Variants in SLCO1A2 observed in about 807,000 individuals in gnomAD.
SLCO1A2 encodes OATP-1.
SLCO1A2 carries 67 observed loss-of-function variants against 69.0 expected under a neutral mutation model. The observed-to-expected ratio is 0.97, with a 90% CI of 0.80 to 1.19. The LOEUF (loss-of-function observed/expected upper bound fraction) is 1.19, where lower values mean the gene tolerates loss of function less well. SLCO1A2 is among the 50% of genes most tolerant of loss of function. SLCO1A2 has a pLI of 0.00. For synonymous variants in SLCO1A2, 260 were observed against 265.9 expected (o/e 0.98, Z 0.22); for missense variants, 787 against 793.7 (o/e 0.99, Z 0.10).
chr12:21,314,508 T>C, intron 4 of SLCO1A2, 41 bp downstream of exon 4: 2 of 1,610,778 alleles, frequency 1.2e-6, no homozygotes, highest in Non-Finnish European at 1.7e-6. Flanking sequence ...TTCCTGCAAG[T>C]GAAATTTGAC....
intron 9 of SLCO1A2, among the ~76,000 whole-genome samples, chr12:21,296,806 C>T (rs1565479783): frequency 6.6e-6 from 1 of 152,166 alleles, no homozygotes; most frequent in Admixed American, 6.5e-5. Flanking sequence ...GAGGGGGAAC[C>T]CCAGGTATTT....
chr12:21,325,371 C>T lies in SLCO1A2; in HGVS notation c.61-6448G>A, dbSNP rs551507345. Among the ~76,000 whole-genome samples the T allele has an allele frequency of 1.5e-4, 23 of 152,258 alleles. No homozygotes were observed. The South Asian group carries it at 3.9e-3, about 26-fold the overall frequency. On this transcript the variant is annotated intron_variant, in intron 2 of 14. Transcript: ENST00000683939. ...TTTAGACATCTCAAATTTCATAATCCTATCAACCTGTACATTTTTATGTTC... is the reference window on the plus strand; with the variant it reads ...TTTAGACATCTCAAATTTCATAATCTTATCAACCTGTACATTTTTATGTTC...
chr12:21,350,131 C>T (rs1430805536), intron 2 of SLCO1A2, among the ~76,000 whole-genome samples: 1 of 152,068 alleles, frequency 6.6e-6, no homozygotes, highest in Non-Finnish European at 1.5e-5. Context: ...CTTTCATTCA[C>T]TGATGATGAA....
At chr12:21,294,743 T>C (rs977298061) in intron 10 of SLCO1A2, 11 of 152,320 alleles carry the variant, frequency 7.2e-5, no homozygotes, top group Admixed American at 5.9e-4. Flanking sequence ...ATTTCTATAT[T>C]GATGTAGTTG....
intron 2 of SLCO1A2, among the ~76,000 whole-genome samples, chr12:21,348,639 T>G (rs76790785): frequency 0.038 from 5,765 of 152,298 alleles, 161 homozygotes; most frequent in Middle Eastern, 0.1. Flanking sequence ...TAACACCACA[T>G]TCTGTATCAT....
rs191579125 is a variant in SLCO1A2, at chr12:21,314,749, A to G, written c.203-68T>C. ...AAGTCTTAATTAAGAGCCTCACCCAATCATTTACATTCTAGCATTTACTGC... is the reference window on the plus strand; with the variant it reads ...AAGTCTTAATTAAGAGCCTCACCCAGTCATTTACATTCTAGCATTTACTGC... On this transcript the variant is annotated intron_variant, in intron 3 of 14. Coordinates refer to ENST00000683939, the MANE Select transcript of SLCO1A2 (RefSeq NM_001386879.1). 25 of 1,151,970 alleles carry G rather than the reference A, an allele frequency of 2.2e-5. No individual in the cohort carries two copies. The East Asian group carries it at 4.8e-4, about 22-fold the overall frequency. 71.4% of individuals were successfully genotyped at this position (1,151,970 alleles called of 1,614,324 possible).
chr12:21,371,765 G>A (rs1377839076), intron 2 of SLCO1A2, among the ~76,000 whole-genome samples: 1 of 152,150 alleles, frequency 6.6e-6, no homozygotes, highest in African/African-American at 2.4e-5. Flanking sequence ...CACTTTGGGA[G>A]GCAGAAGTGG....
chr12:21,385,518 A>G (rs372640548), intron 1 of SLCO1A2, among the ~76,000 whole-genome samples: 15 of 152,370 alleles, frequency 9.8e-5, no homozygotes, highest in African/African-American at 3.4e-4. Flanking sequence ...AGAACAGGAT[A>G]GGCACCTTAA....
intron 12 of SLCO1A2, among the ~76,000 whole-genome samples, chr12:21,289,114 C>A (rs950734400): frequency 1.3e-5 from 2 of 150,682 alleles, no homozygotes; most frequent in Admixed American, 1.3e-4. Flanking sequence ...TATATATTTG[C>A]AATCACAAAT....
chr12:21,408,927 G>A (rs117141935), intron 1 of SLCO1A2, among the ~76,000 whole-genome samples: 28 of 151,526 alleles, frequency 1.8e-4, no homozygotes, highest in Middle Eastern at 3.4e-3. Context: ...CTTTTTAAAG[G>A]CTGGTAGAAT....
In SLCO1A2 at chr12:21,352,261, A is replaced by C. The variant is rs554532953; in HGVS notation, c.-62-17552T>G. Among the ~76,000 whole-genome samples the C allele has an allele frequency of 3.3e-5, 5 of 152,326 alleles. No homozygotes were observed. In the East Asian group the frequency reaches 9.6e-4, roughly 29 times the overall value. Reference sequence around the variant, plus strand: ...AAATGCGAAGAGAGGAAAAACTAGGACAGGTGGACGGCAGCAGTTAGACAA... The same window carrying C: ...AAATGCGAAGAGAGGAAAAACTAGGCCAGGTGGACGGCAGCAGTTAGACAA... On this transcript the variant is annotated intron_variant, in intron 2 of 15. Transcript: ENST00000307378.
chr12:21,300,333 A>C lies in SLCO1A2; in HGVS notation c.910+15T>G. On this transcript the variant is annotated intron_variant, in intron 8 of 14. Coordinates refer to ENST00000683939, the MANE Select transcript of SLCO1A2 (RefSeq NM_001386879.1). ...AAAAGGTCAATTTCATAGTATTTAG[A>C]ATATGTATATTTGCCTTTAGTGATT... 1.3e-6 allele frequency: 2 copies of C among 1,540,178 alleles called. No individual in the cohort carries two copies. The highest frequency in any genetic ancestry group is 1.8e-6 in the Non-Finnish European group (2 of 1,116,736).
At chr12:21,278,054 A>T (rs1944187511) in intron 12 of SLCO1A2, among the ~76,000 whole-genome samples, 1 of 151,514 alleles carries the variant, frequency 6.6e-6, no homozygotes, top group Non-Finnish European at 1.5e-5. Flanking sequence ...GCATTCACAC[A>T]GGCTGGCTAA....
intron 1 of SLCO1A2, among the ~76,000 whole-genome samples, chr12:21,375,482 A>G (rs924932447): frequency 2.6e-5 from 4 of 152,234 alleles, no homozygotes; most frequent in Non-Finnish European, 5.9e-5. Context: ...ACAAAATTTA[A>G]TCATCTCATT....
At chr12:21,379,482 G>A (rs1259390302) in intron 1 of SLCO1A2, 1 of 152,134 alleles carries the variant, frequency 6.6e-6, no homozygotes, top group Non-Finnish European at 1.5e-5. Context: ...CAGACTTCTG[G>A]AAACTCTTTG....
intron 1 of SLCO1A2, among the ~76,000 whole-genome samples, chr12:21,417,118 T>A (rs947812831): frequency 1.3e-5 from 2 of 151,976 alleles, no homozygotes; most frequent in East Asian, 3.9e-4. Flanking sequence ...TGACTTCACT[T>A]TTTCTAGAAG....
intron 1 of SLCO1A2, chr12:21,394,873 C>A (rs1031254876): frequency 2.0e-5 from 3 of 152,138 alleles, no homozygotes; most frequent in Non-Finnish European, 4.4e-5. Flanking sequence ...AATAACAGAT[C>A]CTTCCACTAC....
In SLCO1A2 at chr12:21,304,460, A is replaced by T. The variant is rs1261950422; in HGVS notation, c.556T>A (p.Phe186Ile). Residue 186 changes from phenylalanine (F) to isoleucine (I), a missense_variant, in exon 6 of 15, where the codon TTT (phenylalanine) becomes ATT (isoleucine). Physicochemically the swap from Phe to Ile is conservative, Grantham distance 21 (BLOSUM62 0). Coordinates refer to ENST00000683939, the MANE Select transcript of SLCO1A2 (RefSeq NM_001386879.1). ...AAAGGAGAATTTTCAAATTTGGCAA[A>T]ATCTTCTATATAGGAAATACCCAAA... The part of the protein sequence containing the change: ...LPLGISYIED[F>I]AKFENSPLYI... 1 of 1,612,760 alleles carries T rather than the reference A, an allele frequency of 6.2e-7. No individual in the cohort carries two copies.
intron 2 of SLCO1A2, chr12:21,373,777 A>G: frequency 4.4e-6 from 3 of 677,256 alleles, no homozygotes; most frequent in Non-Finnish European, 8.0e-6. Context: ...AACAAACCAG[A>G]GAAACTTAAC....
Sources: allele counts gnomAD v4.1 joint callset (sites outside exome capture counted in the v4.1 genomes callset), GRCh38; gene constraint gnomAD v4.1.1; transcripts MANE v1.5; gene names NCBI Gene and HGNC (gene_info 2026-07-23, HGNC 2026-07-21).